Variants in ADIPOR2 observed in about 807,000 individuals in gnomAD.
The protein encoded by ADIPOR2 is adiponectin receptor 2.
A neutral mutation model predicts 40.9 loss-of-function variants in ADIPOR2; 18 were observed. That is an observed-to-expected ratio of 0.44 (90% CI 0.30 to 0.65). The LOEUF is 0.65. Among genes scored for constraint, ADIPOR2 ranks in the 30% least tolerant of loss-of-function variants. ADIPOR2 has a pLI of 0.09. For synonymous variants in ADIPOR2, 165 were observed against 166.4 expected (o/e 0.99, Z 0.06); for missense variants, 283 against 479.2 (o/e 0.59, Z 3.82).
chr12:1,729,571 C>T (rs990730570), intron 1 of ADIPOR2, among the ~76,000 whole-genome samples: 1 of 146,476 alleles, frequency 6.8e-6, no homozygotes, highest in Non-Finnish European at 1.5e-5. Flanking sequence ...CATTGACCTC[C>T]CAAAGTGTTG....
chr12:1,707,725 A>C (rs2094666330), intron 1 of ADIPOR2, among the ~76,000 whole-genome samples: 1 of 152,176 alleles, frequency 6.6e-6, no homozygotes, highest in South Asian at 2.1e-4. Context: ...TTCCCGCCTC[A>C]GTCTCCCAAA....
At chr12:1,708,638 A>G (rs180938719) in intron 1 of ADIPOR2, among the ~76,000 whole-genome samples, 1 of 152,116 alleles carries the variant, frequency 6.6e-6, no homozygotes, top group Admixed American at 6.5e-5. Flanking sequence ...TCCTTTCCTC[A>G]TTTAATTACT....
intron 1 of ADIPOR2, among the ~76,000 whole-genome samples, chr12:1,735,142 G>A (rs2094727806): frequency 6.6e-6 from 1 of 152,294 alleles, no homozygotes; most frequent in African/African-American, 2.4e-5. Context: ...AAAGTCATTG[G>A]TAGCTTGATG....
In ADIPOR2 at chr12:1,772,835, C is replaced by G. The variant is rs779035318; in HGVS notation, c.172-7C>G. The G allele has an allele frequency of 6.2e-7, 1 of 1,604,716 alleles. No homozygotes were observed. The highest frequency in any genetic ancestry group is 8.5e-7 in the Non-Finnish European group (1 of 1,175,166). ...TGTCCTTGACTGTTTCTGTGATTGC[C>G]TTGCAGAGCTCTGAGGAACATGAAT... On this transcript the variant is annotated splice_polypyrimidine_tract_variant and splice_region_variant and intron_variant, in intron 2 of 7. Transcript: ENST00000357103.
At chr12:1,692,588 C>T (rs886706114) in intron 1 of ADIPOR2, among the ~76,000 whole-genome samples, 1 of 152,070 alleles carries the variant, frequency 6.6e-6, no homozygotes, top group Non-Finnish European at 1.5e-5. Flanking sequence ...CAGATTTCCT[C>T]TTTTCACTTG....
chr12:1,713,226 T>C (rs11061940), intron 1 of ADIPOR2, among the ~76,000 whole-genome samples: 52,108 of 151,856 alleles, frequency 0.34, 9,518 homozygotes, highest in East Asian at 0.5. Flanking sequence ...GGTCCAGAAC[T>C]GTGAACGATT....
chr12:1,730,887 T>G (rs1167867494), intron 1 of ADIPOR2: 1 of 81,692 alleles, frequency 1.2e-5, no homozygotes, highest in African/African-American at 3.5e-5. Flanking sequence ...ATGTAAAAGT[T>G]TAAGTTATCA....
intron 1 of ADIPOR2, among the ~76,000 whole-genome samples, chr12:1,727,196 T>C (rs1232880831): frequency 6.6e-6 from 1 of 152,228 alleles, no homozygotes; most frequent in African/African-American, 2.4e-5. Flanking sequence ...TAGTGATTCC[T>C]GAGTCTTTGC....
chr12:1,743,460 C>T (rs1592604421), intron 1 of ADIPOR2, among the ~76,000 whole-genome samples: 1 of 151,888 alleles, frequency 6.6e-6, no homozygotes, highest in African/African-American at 2.4e-5. Context: ...CACTTGAGGC[C>T]AGTAGTTCAA....
rs534787650 is a variant in ADIPOR2 at position 1,777,664 on chromosome 12, A to G, written c.292-190A>G. On this transcript the variant is annotated intron_variant, in intron 3 of 7. Transcript: ENST00000357103. ...AAGCCTTAGCCACCATGCCCGGCAA[A>G]AATATATTTTTCATCAGTCTTTAAA... Among the ~76,000 whole-genome samples the G allele has an allele frequency of 2.0e-5, 3 of 152,222 alleles. No individual in the cohort carries two copies. The East Asian group carries it at 5.8e-4, about 29-fold the overall frequency.
rs1316060809 is a variant in ADIPOR2, at chr12:1,754,955, C to T, written c.171+441C>T. 2.5e-5 allele frequency among the ~76,000 whole-genome samples: 3 copies of T among 118,332 alleles called. 1 individual carries two copies. Among genetic ancestry groups the T allele is most frequent in the African/African-American group, 7.7e-5 (3 of 38,736 alleles). The allele number at this position is 118,332 out of a possible 152,430, so 77.6% of individuals were successfully genotyped here. ...GTCTCGAACTCCTTACCTCAGGTAT[C>T]CTCCCACCTCGGCCTCCCAAAGTGC... is the stretch of plus-strand genomic sequence containing the variant. On this transcript the variant is annotated intron_variant, in intron 2 of 7. Coordinates refer to ENST00000357103, the MANE Select transcript of ADIPOR2 (RefSeq NM_024551.3).
chr12:1,765,362 A>G (rs191023307), intron 2 of ADIPOR2, among the ~76,000 whole-genome samples: 1 of 152,320 alleles, frequency 6.6e-6, no homozygotes, highest in Admixed American at 6.5e-5. Flanking sequence ...TAGTGGTGTT[A>G]GGTTGGGAAT....
chr12:1,753,547 T>A (rs938957143), intron 1 of ADIPOR2, among the ~76,000 whole-genome samples: 3 of 152,236 alleles, frequency 2.0e-5, no homozygotes, highest in African/African-American at 7.2e-5. Context: ...CAGGGTAGTC[T>A]AGTTAGAGTT....
At chr12:1,784,335 C>G (rs1862787162) in intron 7 of ADIPOR2, among the ~76,000 whole-genome samples, 1 of 152,206 alleles carries the variant, frequency 6.6e-6, no homozygotes, top group Non-Finnish European at 1.5e-5. Flanking sequence ...TATGATAACT[C>G]TTGTTAATGT....
intron 1 of ADIPOR2, among the ~76,000 whole-genome samples, chr12:1,737,981 C>G (rs972082115): frequency 6.6e-6 from 1 of 152,090 alleles, no homozygotes; most frequent in African/African-American, 2.4e-5. Flanking sequence ...CTTTTCTCTT[C>G]TACATACTAA....
intron 1 of ADIPOR2, among the ~76,000 whole-genome samples, chr12:1,713,916 A>C (rs999338669): frequency 6.6e-6 from 1 of 152,092 alleles, no homozygotes; most frequent in Non-Finnish European, 1.5e-5. Flanking sequence ...ACCGGTGTCC[A>C]GGAGGAAGTC....
At chr12:1,694,192 A>G (rs2094633241) in intron 1 of ADIPOR2, among the ~76,000 whole-genome samples, 1 of 152,238 alleles carries the variant, frequency 6.6e-6, no homozygotes, top group African/African-American at 2.4e-5. Flanking sequence ...ATCAGCTAGC[A>G]AATGGTGGAG....
chr12:1,693,038 C>T (rs2094630391), intron 1 of ADIPOR2, among the ~76,000 whole-genome samples: 1 of 152,024 alleles, frequency 6.6e-6, no homozygotes, highest in African/African-American at 2.4e-5. Flanking sequence ...TCTTGTTATC[C>T]CAGCTGCCCG....
In ADIPOR2 at chr12:1,785,985, A is replaced by G; in HGVS notation, c.1074A>G (p.Gly358=). ...TGTTTCATATCTTTGTGGTTGCTGG[A>G]GCTTTTGTTCACTTCCATGGTGTCT... is the stretch of plus-strand genomic sequence containing the variant. ...HQLFHIFVVA[G]AFVHFHGVSN... Residue 358 remains glycine, a synonymous_variant, in exon 8 of 8, where the codon GGA becomes GGG. Coordinates refer to ENST00000357103, the MANE Select transcript of ADIPOR2 (RefSeq NM_024551.3). 1 of 1,613,976 alleles carries G rather than the reference A, an allele frequency of 6.2e-7. No homozygotes were observed. Among genetic ancestry groups the G allele is most frequent in the Non-Finnish European group, 8.5e-7 (1 of 1,180,012 alleles).
Sources: allele counts gnomAD v4.1 joint callset (sites outside exome capture counted in the v4.1 genomes callset), GRCh38; gene constraint gnomAD v4.1.1; transcripts MANE v1.5; gene names NCBI Gene and HGNC (gene_info 2026-07-23, HGNC 2026-07-21).